GPC5: variants seen among roughly 807,000 people sequenced by gnomAD.
The protein encoded by GPC5 is glypican 5.
In GPC5, 47 loss-of-function variants were observed where a neutral mutation model predicts 53.9. That is an observed-to-expected ratio of 0.87 (90% confidence interval 0.69 to 1.11). GPC5 has a LOEUF of 1.11. Ranked by LOEUF, GPC5 falls within the 50% of genes most tolerant of loss-of-function variation. The pLI, the probability that GPC5 is intolerant of heterozygous loss-of-function variation, is 0.00. For missense variants in GPC5, 748 were observed against 713.1 expected (o/e 1.05, Z -0.56); for synonymous variants, 286 against 263.3 (o/e 1.09, Z -0.84).
chr13:92,214,685 G>A (rs2042397613), intron 7 of GPC5, among the ~76,000 whole-genome samples: 3 of 152,174 alleles, frequency 2.0e-5, no homozygotes, highest in Non-Finnish European at 4.4e-5. Context: ...GCAGAATAAT[G>A]ACTCCCTTAA....
chr13:91,428,498 G>A (rs1879213088), intron 1 of GPC5, among the ~76,000 whole-genome samples: 1 of 152,154 alleles, frequency 6.6e-6, no homozygotes, highest in Non-Finnish European at 1.5e-5. Context: ...ACCAATCAGG[G>A]GCTGCGTGCA....
chr13:91,572,635 G>A (rs1477673528), intron 2 of GPC5, among the ~76,000 whole-genome samples: 1 of 151,978 alleles, frequency 6.6e-6, no homozygotes, highest in Non-Finnish European at 1.5e-5. Flanking sequence ...ACCATGGGGA[G>A]GGAGGGCACC....
chr13:91,841,053 T>A (rs1398316397), intron 5 of GPC5, among the ~76,000 whole-genome samples: 1 of 151,574 alleles, frequency 6.6e-6, no homozygotes, highest in Non-Finnish European at 1.5e-5. Flanking sequence ...ATTTTTTTTT[T>A]ATTTTTCAAA....
intron 5 of GPC5, among the ~76,000 whole-genome samples, chr13:91,796,856 T>C (rs566546778): frequency 6.6e-5 from 10 of 152,314 alleles, no homozygotes; most frequent in African/African-American, 2.4e-4. Flanking sequence ...ACTTGATATT[T>C]TCTCTTCTGC....
At chr13:91,679,729 T>G (rs1306036979) in intron 2 of GPC5, among the ~76,000 whole-genome samples, 4 of 152,204 alleles carry the variant, frequency 2.6e-5, no homozygotes, top group African/African-American at 9.6e-5. Context: ...CCATTGCATT[T>G]AAGAAAGTCC....
chr13:91,478,820 TATAC>T (rs1197395209), intron 2 of GPC5, among the ~76,000 whole-genome samples: 9 of 112,838 alleles, frequency 8.0e-5, no homozygotes, highest in Admixed American at 2.6e-4. Context: ...TATATATATA[TATAC>T]ACACACACAC....
At chr13:91,484,738 T>C (rs1883495387) in intron 2 of GPC5, among the ~76,000 whole-genome samples, 1 of 152,214 alleles carries the variant, frequency 6.6e-6, no homozygotes, top group African/African-American at 2.4e-5. Context: ...AGTGGAGATA[T>C]CTTTAGGGAT....
intron 6 of GPC5, among the ~76,000 whole-genome samples, chr13:92,085,080 A>G (rs977092273): frequency 3.3e-5 from 5 of 152,204 alleles, no homozygotes; most frequent in Non-Finnish European, 5.9e-5. Context: ...CCCATTCATG[A>G]GAGCTCTGCC....
chr13:91,783,913 C>G (rs143946377), intron 5 of GPC5, among the ~76,000 whole-genome samples: 206 of 152,180 alleles, frequency 1.4e-3, no homozygotes, highest in African/African-American at 4.9e-3. Flanking sequence ...TGGTTTCTTA[C>G]CAATGAGAGA....
intron 7 of GPC5, among the ~76,000 whole-genome samples, chr13:92,291,732 C>G (rs1226632156): frequency 3.3e-5 from 5 of 152,184 alleles, no homozygotes; most frequent in Admixed American, 2.0e-4. Flanking sequence ...GTCCACACTG[C>G]CTTTATGAGC....
At chr13:91,649,623 G>GTGT (rs2034647005) in intron 2 of GPC5, among the ~76,000 whole-genome samples, 1 of 152,198 alleles carries the variant, frequency 6.6e-6, no homozygotes, top group Non-Finnish European at 1.5e-5. Context: ...CAATCCCAGT[G>GTGT]TGTTGTTCCG....
chr13:91,673,011 G>A (rs184403989), intron 2 of GPC5, among the ~76,000 whole-genome samples: 13 of 152,060 alleles, frequency 8.5e-5, no homozygotes, highest in African/African-American at 2.4e-4. Flanking sequence ...GTTCTCATTC[G>A]TAAGTGGGAG....
chr13:91,867,714 C>A (rs1056474666), intron 5 of GPC5, among the ~76,000 whole-genome samples: 4 of 152,206 alleles, frequency 2.6e-5, no homozygotes, highest in Admixed American at 2.6e-4. Context: ...AATGTAAATT[C>A]ACGAGGGATG....
At chr13:92,662,357 C>T (rs895686682) in intron 7 of GPC5, among the ~76,000 whole-genome samples, 2 of 152,292 alleles carry the variant, frequency 1.3e-5, no homozygotes, top group African/African-American at 4.8e-5. Flanking sequence ...AACAGGCTTT[C>T]GTCACCACGG....
chr13:91,458,655 A>T (rs1881721980), intron 2 of GPC5, among the ~76,000 whole-genome samples: 1 of 152,278 alleles, frequency 6.6e-6, no homozygotes, highest in South Asian at 2.1e-4. Flanking sequence ...TACTGGTGGG[A>T]ATGTAAACTA....
chr13:91,414,036 T>C (rs1878004048), intron 1 of GPC5, among the ~76,000 whole-genome samples: 1 of 152,236 alleles, frequency 6.6e-6, no homozygotes, highest in African/African-American at 2.4e-5. Flanking sequence ...AGTTTTATCT[T>C]CATTGGAAGC....
rs1366597221 is a variant in GPC5, at chr13:91,571,789, G to A, written c.326-121398G>A. On this transcript the variant is annotated intron_variant, in intron 2 of 7. Coordinates refer to ENST00000377067, the MANE Select transcript of GPC5 (RefSeq NM_004466.6). Reference sequence around the variant, plus strand: ...TATGTGTATATACACACACATATACGTGTGTGTATATATACACACACATAC... The same window carrying A: ...TATGTGTATATACACACACATATACATGTGTGTATATATACACACACATAC... Among the ~76,000 whole-genome samples the A allele has an allele frequency of 1.6e-4, 20 of 123,444 alleles. 1 individual carries two copies. The highest frequency in any genetic ancestry group is 2.4e-4 in the East Asian group (1 of 4,118). The allele number at this position is 123,444 out of a possible 152,430, so 81.0% of individuals were successfully genotyped here. A position where few individuals can be genotyped will look rare whatever the true frequency, so the allele number is the denominator to read the frequency against.
At chr13:91,801,702 T>C (rs559317185) in intron 5 of GPC5, among the ~76,000 whole-genome samples, 4 of 152,218 alleles carry the variant, frequency 2.6e-5, no homozygotes, top group African/African-American at 9.7e-5. Context: ...TCCTACGTAC[T>C]TAGCATTGTG....
intron 7 of GPC5, among the ~76,000 whole-genome samples, chr13:92,260,373 C>G (rs1392927352): frequency 6.6e-6 from 1 of 152,154 alleles, no homozygotes; most frequent in Non-Finnish European, 1.5e-5. Flanking sequence ...ATCTTCATTC[C>G]TCAGCCGAAA....
Sources: allele counts gnomAD v4.1 joint callset (sites outside exome capture counted in the v4.1 genomes callset), GRCh38; gene constraint gnomAD v4.1.1; transcripts MANE v1.5; gene names NCBI Gene and HGNC (gene_info 2026-07-23, HGNC 2026-07-21).